The following SLC4A10 variants were observed in gnomAD, a reference collection of about 807,000 sequenced individuals.
The protein encoded by SLC4A10 is sodium-driven chloride bicarbonate exchanger.
In SLC4A10, 42 loss-of-function variants were observed where a neutral mutation model predicts 137.7. The ratio of observed to expected loss-of-function variants is 0.30; its 90% CI spans 0.24 to 0.39. The LOEUF is 0.39. Ranked by LOEUF, SLC4A10 falls within the 10% of genes least tolerant of loss-of-function variation. The pLI is 1.00. For missense variants in SLC4A10, 925 were observed against 1,355.0 expected, an observed-to-expected ratio of 0.68 and a Z score of 4.98; for synonymous variants, 474 against 464.1, an observed-to-expected ratio of 1.02 and a Z score of -0.27.
intron 10 of SLC4A10, among the ~76,000 whole-genome samples, 191 bp from the exon 11 acceptor site, chr2:161,894,488 A>G (rs1428916117): frequency 6.6e-6 from 1 of 152,056 alleles, no homozygotes; most frequent in Non-Finnish European, 1.5e-5. Flanking sequence ...CATCATAAGA[A>G]AAATAGTTAC....
intron 1 of SLC4A10, among the ~76,000 whole-genome samples, chr2:161,655,915 G>A (rs2037461245): frequency 1.3e-5 from 2 of 151,074 alleles, no homozygotes; most frequent in Admixed American, 6.6e-5. Context: ...CCTGGTTCAA[G>A]CAATTCTCCT....
chr2:161,817,705 C>T (rs2057225524), intron 3 of SLC4A10, among the ~76,000 whole-genome samples: 1 of 152,132 alleles, frequency 6.6e-6, no homozygotes, highest in Non-Finnish European at 1.5e-5. Context: ...TATGGCTAGC[C>T]AGTTTTCCCA....
intron 26 of SLC4A10, 42 bp downstream of exon 26, chr2:161,977,802 C>T: frequency 1.9e-6 from 3 of 1,545,324 alleles, no homozygotes; most frequent in Non-Finnish European, 2.6e-6. Context: ...GTTGCATTTC[C>T]TTATGTTAAA....
intron 26 of SLC4A10, among the ~76,000 whole-genome samples, chr2:161,980,533 C>A (rs1273371032): frequency 6.6e-6 from 1 of 152,082 alleles, no homozygotes; most frequent in East Asian, 1.9e-4. Flanking sequence ...CCTGTAATCC[C>A]AGCTACTCAG....
intron 12 of SLC4A10, among the ~76,000 whole-genome samples, 160 bp from the exon 13 acceptor site, chr2:161,903,844 T>A (rs1265934116): frequency 1.3e-5 from 2 of 152,184 alleles, no homozygotes; most frequent in Non-Finnish European, 2.9e-5. Context: ...GTGCAGTGCC[T>A]CCCTGTAGAT....
At chr2:161,716,889 A>G (rs2044972522) in intron 1 of SLC4A10, among the ~76,000 whole-genome samples, 11 of 152,164 alleles carry the variant, frequency 7.2e-5, no homozygotes, top group Admixed American at 5.9e-4. Context: ...TACTTTGGGC[A>G]GTATGGCCAT....
chr2:161,665,826 G>A (rs894839672), intron 1 of SLC4A10, among the ~76,000 whole-genome samples: 2 of 150,860 alleles, frequency 1.3e-5, no homozygotes, highest in Non-Finnish European at 3.0e-5. Context: ...GAGTCCAGAG[G>A]CCATCTTTTC....
At chr2:161,956,330 T>A (rs2105861198) in intron 19 of SLC4A10, among the ~76,000 whole-genome samples, 1 of 152,310 alleles carries the variant, frequency 6.6e-6, no homozygotes, top group South Asian at 2.1e-4. Context: ...GCAGTCTGAC[T>A]CCAGAACTTA....
intron 1 of SLC4A10, among the ~76,000 whole-genome samples, chr2:161,651,932 C>T (rs527870710): frequency 2.6e-4 from 40 of 152,288 alleles, no homozygotes; most frequent in African/African-American, 7.2e-4. Context: ...CAGAAGGCGC[C>T]GCTGGCCACA....
chr2:161,970,576 T>G (rs1698349313), intron 23 of SLC4A10, among the ~76,000 whole-genome samples: 1 of 152,214 alleles, frequency 6.6e-6, no homozygotes, highest in Non-Finnish European at 1.5e-5. Flanking sequence ...TGCTGAATAT[T>G]TTCCCTCTCT....
At chr2:161,833,406 T>C (rs187807219) in intron 3 of SLC4A10, among the ~76,000 whole-genome samples, 53 of 152,318 alleles carry the variant, frequency 3.5e-4, no homozygotes, top group Middle Eastern at 6.8e-3. Context: ...CATTAATTAG[T>C]ATTGCACTCT....
rs747837229 is a variant in SLC4A10 at position 161,827,222 on chromosome 2, C to G, written c.278-12567C>G. ...TCTCAAGACTTTCATTTTGAGTCAT[C>G]ATCATCATTGTAATCATGTGATATC... On this transcript the variant is annotated intron_variant, in intron 3 of 26. Transcript: ENST00000446997. 3.9e-5 allele frequency among the ~76,000 whole-genome samples: 6 copies of G among 152,162 alleles called. No individual in the cohort carries two copies. The East Asian group carries it at 5.8e-4, about 15-fold the overall frequency.
chr2:161,930,136 T>C (rs1690059889), intron 15 of SLC4A10, among the ~76,000 whole-genome samples: 1 of 152,192 alleles, frequency 6.6e-6, no homozygotes, highest in Non-Finnish European at 1.5e-5. Flanking sequence ...AGGGTAAATT[T>C]AGACTGGAAA....
At chr2:161,974,424 A>T (rs1253319081) in intron 24 of SLC4A10, 108 bp downstream of exon 24, 1 of 889,892 alleles carries the variant, frequency 1.1e-6, no homozygotes, top group Non-Finnish European at 1.6e-6. Flanking sequence ...TTGAAATTGT[A>T]TAAGAGTAGA....
chr2:161,718,260 A>G (rs948691541), intron 1 of SLC4A10, among the ~76,000 whole-genome samples: 14 of 151,420 alleles, frequency 9.2e-5, no homozygotes, highest in Non-Finnish European at 1.3e-4. Flanking sequence ...GGATTCGTTG[A>G]TTTTTTGAAG....
chr2:161,664,123 C>G (rs1331182727), intron 1 of SLC4A10, among the ~76,000 whole-genome samples: 2 of 151,872 alleles, frequency 1.3e-5, no homozygotes, highest in African/African-American at 2.4e-5. Context: ...AAAGTAGAAA[C>G]AAGAAGCTCT....
chr2:161,768,894 G>A, intron 1 of SLC4A10, among the ~76,000 whole-genome samples: 1 of 151,926 alleles, frequency 6.6e-6, no homozygotes, highest in African/African-American at 2.4e-5. Context: ...GACCCACAGA[G>A]GAAAGAGACC....
rs556172929 is a variant in SLC4A10, at chr2:161,839,792, C to A, written c.281C>A (p.Thr94Asn). The change falls in exon 4 of 27, where the codon ACC (threonine) becomes AAC (asparagine). Residue 94 changes from threonine to asparagine, a missense_variant. By Grantham distance (65) the Thr-to-Asn change is moderately conservative. This residue lies in a region of SLC4A10 where 138 missense variants were observed against 171.3 expected (regional missense o/e 0.81). Coordinates refer to ENST00000446997, the MANE Select transcript of SLC4A10 (RefSeq NM_001178015.2). ...ATACATGTCTCTGATTTTTTAGACA[C>A]CCCATCACAGAGGGTACAGTTTATT... ...EDGRESPSFDTPSQRVQFILG... is the reference protein window; with the variant it reads ...EDGRESPSFDNPSQRVQFILG... 10 of 1,613,334 alleles carry A rather than the reference C, an allele frequency of 6.2e-6. No homozygotes were observed. In the Admixed American group the frequency reaches 1.0e-4, roughly 16 times the overall value.
At chr2:161,876,368 T>A (rs1447947085) in intron 8 of SLC4A10, among the ~76,000 whole-genome samples, 2 of 152,140 alleles carry the variant, frequency 1.3e-5, no homozygotes, top group African/African-American at 4.8e-5. Flanking sequence ...AAACATAATA[T>A]TTTATTATAT....
Sources: allele counts gnomAD v4.1 joint callset (sites outside exome capture counted in the v4.1 genomes callset), GRCh38; gene constraint gnomAD v4.1.1; regional missense constraint gnomAD v4.1.1; transcripts MANE v1.5; gene names NCBI Gene and HGNC (gene_info 2026-07-23, HGNC 2026-07-21).